Variants in FSTL5 observed in about 807,000 individuals in gnomAD.
FSTL5 encodes the protein follistatin like 5, also known as follistatin-related protein 5.
FSTL5 carries 62 observed loss-of-function variants against 89.1 expected under a neutral mutation model. The ratio of observed to expected loss-of-function variants is 0.70; its 90% CI spans 0.57 to 0.86. FSTL5 has a LOEUF of 0.86. Among genes scored for constraint, FSTL5 ranks in the 40% least tolerant of loss-of-function variants. The pLI is 0.00. For missense variants in FSTL5, 1,057 were observed against 1,001.6 expected, an observed-to-expected ratio of 1.06 and a Z score of -0.75; for synonymous variants, 383 against 346.2, an observed-to-expected ratio of 1.11 and a Z score of -1.18.
At chr4:161,930,492 T>C (rs1734255851) in intron 3 of FSTL5, among the ~76,000 whole-genome samples, 1 of 150,514 alleles carries the variant, frequency 6.6e-6, no homozygotes, top group African/African-American at 2.5e-5. Flanking sequence ...ATTATATCAG[T>C]CATTTTTAAA....
intron 1 of FSTL5, among the ~76,000 whole-genome samples, chr4:162,143,874 C>G (rs1357257973): frequency 6.6e-6 from 1 of 151,586 alleles, no homozygotes; most frequent in Non-Finnish European, 1.5e-5. Context: ...CCAAGCAGAA[C>G]TATCTCAAGT....
intron 10 of FSTL5, among the ~76,000 whole-genome samples, chr4:161,530,119 T>G (rs1231436324): frequency 7.0e-6 from 1 of 142,948 alleles, no homozygotes; most frequent in African/African-American, 2.5e-5. Context: ...GGTTAATTAA[T>G]TTGTTTATGT....
intron 14 of FSTL5, among the ~76,000 whole-genome samples, chr4:161,455,473 A>G (rs187365988): frequency 6.2e-4 from 95 of 152,304 alleles, no homozygotes; most frequent in Middle Eastern, 3.4e-3. Context: ...GTAATGTGTG[A>G]TATTAGGACA....
At chr4:161,654,988 T>C (rs1049592648) in intron 7 of FSTL5, among the ~76,000 whole-genome samples, 2 of 152,238 alleles carry the variant, frequency 1.3e-5, no homozygotes, top group African/African-American at 4.8e-5. Flanking sequence ...TTGAACTGAA[T>C]TTAAATTCCA....
At chr4:161,764,658 A>G (rs1323223770) in intron 5 of FSTL5, among the ~76,000 whole-genome samples, 1 of 152,148 alleles carries the variant, frequency 6.6e-6, no homozygotes, top group Non-Finnish European at 1.5e-5. Flanking sequence ...CAATATAGCC[A>G]ACTTTAATTT....
At chr4:161,528,746 T>G (rs1731315582) in intron 10 of FSTL5, among the ~76,000 whole-genome samples, 1 of 143,472 alleles carries the variant, frequency 7.0e-6, no homozygotes, top group South Asian at 2.4e-4. Flanking sequence ...TTGTTAAACT[T>G]AAGAACACAG....
chr4:161,972,247 A>G (rs1161493437), intron 3 of FSTL5, among the ~76,000 whole-genome samples: 9 of 151,912 alleles, frequency 5.9e-5, no homozygotes, highest in Admixed American at 4.6e-4. Context: ...GTCTGCCACC[A>G]CGCCCAGCTA....
At chr4:161,417,653 C>T (rs1007528110) in intron 15 of FSTL5, among the ~76,000 whole-genome samples, 3 of 152,180 alleles carry the variant, frequency 2.0e-5, no homozygotes, top group African/African-American at 7.2e-5. Flanking sequence ...CTACGTATCC[C>T]TCAGGGATCT....
At chr4:161,864,041 C>A (rs1732002466) in intron 4 of FSTL5, among the ~76,000 whole-genome samples, 1 of 152,176 alleles carries the variant, frequency 6.6e-6, no homozygotes. Context: ...AGAGTAGTGT[C>A]AACTTTTGTT....
chr4:161,924,129 G>T (rs1456498504), intron 3 of FSTL5, among the ~76,000 whole-genome samples: 2 of 151,156 alleles, frequency 1.3e-5, no homozygotes, highest in African/African-American at 2.4e-5. Flanking sequence ...CTTATATCCT[G>T]GTAGCTTATA....
chr4:162,022,591 ATCC>A (rs1293811801), intron 3 of FSTL5: 2 of 152,164 alleles, frequency 1.3e-5, no homozygotes, highest in East Asian at 3.9e-4. Flanking sequence ...GTTCTAAGTC[ATCC>A]TATTAAAGTC....
At chr4:162,020,110 A>G (rs897209322) in intron 3 of FSTL5, among the ~76,000 whole-genome samples, 1 of 151,834 alleles carries the variant, frequency 6.6e-6, no homozygotes, top group Non-Finnish European at 1.5e-5. Flanking sequence ...ATTTCCAAAA[A>G]TATCTTCAAA....
At chr4:162,057,334 CT>C (rs1738578435) in intron 2 of FSTL5, among the ~76,000 whole-genome samples, 1 of 152,176 alleles carries the variant, frequency 6.6e-6, no homozygotes, top group Non-Finnish European at 1.5e-5. Flanking sequence ...TCCGTCTCCC[CT>C]GCCATTACAA....
At chr4:161,832,629 A>C (rs1188080906) in intron 4 of FSTL5, among the ~76,000 whole-genome samples, 2 of 152,134 alleles carry the variant, frequency 1.3e-5, no homozygotes, top group African/African-American at 4.8e-5. Flanking sequence ...GTGTCGAGGA[A>C]TTTATCCATT....
chr4:161,607,079 C>T (rs758240339), intron 7 of FSTL5, among the ~76,000 whole-genome samples: 1 of 152,100 alleles, frequency 6.6e-6, no homozygotes, highest in Non-Finnish European at 1.5e-5. Context: ...ATAATGTATA[C>T]ATACTGACAG....
At chr4:161,784,915 C>CA (rs981244968) in intron 4 of FSTL5, among the ~76,000 whole-genome samples, 8 of 74,922 alleles carry the variant, frequency 1.1e-4, no homozygotes, top group East Asian at 4.4e-4. Flanking sequence ...AACAAACAAA[C>CA]AAAAAAAAGA....
At chr4:162,106,387 T>C (rs1296203338) in intron 2 of FSTL5, among the ~76,000 whole-genome samples, 1 of 152,168 alleles carries the variant, frequency 6.6e-6, no homozygotes, top group Non-Finnish European at 1.5e-5. Flanking sequence ...ACTTTGATTA[T>C]AATCATCAGC....
intron 3 of FSTL5, among the ~76,000 whole-genome samples, chr4:161,997,203 C>T (rs925902044): frequency 1.3e-5 from 2 of 152,150 alleles, no homozygotes; most frequent in African/African-American, 4.8e-5. Flanking sequence ...TACATCTAGA[C>T]ACATAATTTT....
rs1206008566 is a variant in FSTL5, at chr4:161,386,149, A to C, written c.2142T>G (p.Gly714=). ...TGGTAATGTACTGAACCCTTACAAG[A>C]CCTTTCACATCATTAATGCTGACAA... The part of the protein sequence containing the change: ...HYLVSINDVK[G]LVRVQYITIR... Residue 714 remains glycine, a synonymous_variant, in exon 16 of 16, where the codon GGT becomes GGG. Transcript: ENST00000306100. 6.2e-7 allele frequency: 1 copy of C among 1,614,034 alleles called. No homozygotes were observed. Among genetic ancestry groups the C allele is most frequent in the Non-Finnish European group, 8.5e-7 (1 of 1,179,972 alleles).
Sources: gnomAD v4.1 joint callset for allele counts (sites outside exome capture counted in the v4.1 genomes callset) on GRCh38, gnomAD v4.1.1 for gene constraint, MANE v1.5 for transcripts, NCBI Gene and HGNC (gene_info 2026-07-23, HGNC 2026-07-21) for gene names.